Variants in CACNA2D3 observed in about 807,000 individuals in gnomAD.
The protein encoded by CACNA2D3 is voltage-dependent calcium channel subunit alpha-2/delta-3.
Under a neutral mutation model 160.6 loss-of-function variants are expected in CACNA2D3, and 60 were observed. That is an observed-to-expected ratio of 0.37 (90% CI 0.30 to 0.46). CACNA2D3 has a LOEUF of 0.46. CACNA2D3 is among the 20% of genes least tolerant of loss of function. CACNA2D3 has a pLI of 1.00. For missense variants in CACNA2D3, 1,205 were observed against 1,365.0 expected, an observed-to-expected ratio of 0.88 and a Z score of 1.85; for synonymous variants, 558 against 492.9, an observed-to-expected ratio of 1.13 and a Z score of -1.75.
Position 54,634,023 on chromosome 3 carries a change from A to G in CACNA2D3, c.1053+6147A>G, listed in dbSNP as rs563326586. Reference sequence around the variant, plus strand: ...ATTCCATTCATCCATTTATCTATCTATGCATCTATCCAGTTATGTATGGTC... The same window carrying G: ...ATTCCATTCATCCATTTATCTATCTGTGCATCTATCCAGTTATGTATGGTC... On this transcript the variant is annotated intron_variant, in intron 10 of 37. Coordinates refer to ENST00000474759, the MANE Select transcript of CACNA2D3 (RefSeq NM_018398.3). 6.6e-5 allele frequency among the ~76,000 whole-genome samples: 10 copies of G among 152,244 alleles called. 1 individual carries two copies. The South Asian group carries it at 1.0e-3, about 16-fold the overall frequency.
intron 4 of CACNA2D3, among the ~76,000 whole-genome samples, chr3:54,478,639 T>A (rs529699420): frequency 7.9e-4 from 98 of 124,022 alleles, no homozygotes; most frequent in African/African-American, 2.7e-3. Context: ...CTCAAAAAAA[T>A]ATATATATAA....
Position 55,007,835 on chromosome 3 carries a change from C to A in CACNA2D3, c.2812C>A (p.Leu938Ile). 1.3e-6 allele frequency: 2 copies of A among 1,547,344 alleles called. No homozygotes were observed. Among genetic ancestry groups the A allele is most frequent in the Non-Finnish European group, 8.7e-7 (1 of 1,150,602 alleles). ...TGCAGTAAAATGGATCATGACAGAA[C>A]TTGTCTTGTAAGTAAAATCTGCTGC... Reference protein sequence around the residue: ...LSAVKWIMTELVLFLVEFNLC... With the variant: ...LSAVKWIMTEIVLFLVEFNLC... The change falls in exon 33 of 38, where the codon CTT (leucine) becomes ATT (isoleucine). Residue 938 changes from leucine (L) to isoleucine (I), a missense_variant. By Grantham distance (5) the Leu-to-Ile change is conservative. Transcript: ENST00000474759.
intron 2 of CACNA2D3, among the ~76,000 whole-genome samples, chr3:54,125,461 T>C (rs987147475): frequency 1.3e-5 from 2 of 152,180 alleles, no homozygotes; most frequent in African/African-American, 4.8e-5. Context: ...GGCTTTGTTA[T>C]CATTTCTTGC....
intron 9 of CACNA2D3, among the ~76,000 whole-genome samples, chr3:54,602,272 C>T (rs1271292079): frequency 1.3e-5 from 2 of 152,108 alleles, no homozygotes; most frequent in Non-Finnish European, 2.9e-5. Context: ...CCGAGGCAGG[C>T]GGATCACCTG....
chr3:54,807,693 T>C (rs1703169905), intron 13 of CACNA2D3, among the ~76,000 whole-genome samples: 2 of 151,830 alleles, frequency 1.3e-5, no homozygotes, highest in African/African-American at 4.8e-5. Flanking sequence ...GACCCAGCCA[T>C]CCCATTACTG....
intron 4 of CACNA2D3, among the ~76,000 whole-genome samples, chr3:54,460,888 T>C (rs1275721300): frequency 6.6e-6 from 1 of 152,218 alleles, no homozygotes; most frequent in African/African-American, 2.4e-5. Context: ...TTTTTGCCCA[T>C]TCAGTGTGAT....
At chr3:54,330,628 G>A (rs909043997) in intron 3 of CACNA2D3, among the ~76,000 whole-genome samples, 15 of 152,214 alleles carry the variant, frequency 9.9e-5, no homozygotes, top group African/African-American at 3.4e-4. Flanking sequence ...AACCAGCCAT[G>A]AATACATGGG....
rs1041446190 is a variant in CACNA2D3 at position 54,723,481 on chromosome 3, G to A, written c.1168-29118G>A. Among the ~76,000 whole-genome samples the A allele has an allele frequency of 2.0e-5, 3 of 152,294 alleles. 1 individual carries two copies. Among genetic ancestry groups the A allele is most frequent in the Non-Finnish European group, 1.5e-5 (1 of 68,022 alleles). ...AGCTAGTTCGGTGTCTGCCCAAATG[G>A]CTACCCAGTTTTGTGCTTGAAACCC... On this transcript the variant is annotated intron_variant, in intron 11 of 37. Coordinates refer to ENST00000474759, the MANE Select transcript of CACNA2D3 (RefSeq NM_018398.3).
At chr3:54,523,935 CT>C (rs1701686326) in intron 5 of CACNA2D3, among the ~76,000 whole-genome samples, 1 of 151,678 alleles carries the variant, frequency 6.6e-6, no homozygotes, top group Non-Finnish European at 1.5e-5. Context: ...TTTTTATCTT[CT>C]TAATGAATCA....
intron 13 of CACNA2D3, among the ~76,000 whole-genome samples, chr3:54,805,046 A>G (rs1219168446): frequency 6.6e-6 from 1 of 152,274 alleles, no homozygotes; most frequent in Non-Finnish European, 1.5e-5. Flanking sequence ...GGACACATTC[A>G]AAGCAGTGTA....
intron 5 of CACNA2D3, among the ~76,000 whole-genome samples, chr3:54,528,062 C>T (rs1701752132): frequency 6.6e-6 from 1 of 152,064 alleles, no homozygotes; most frequent in Non-Finnish European, 1.5e-5. Context: ...TCTCAAGAAG[C>T]TTCTTAAACA....
chr3:54,855,869 C>T (rs1000031120), intron 17 of CACNA2D3, among the ~76,000 whole-genome samples: 3 of 152,126 alleles, frequency 2.0e-5, no homozygotes, highest in African/African-American at 7.2e-5. Context: ...TGGCTCTGAC[C>T]CCTGCTCTCA....
intron 4 of CACNA2D3, among the ~76,000 whole-genome samples, chr3:54,460,218 G>C (rs1362991021): frequency 3.3e-5 from 5 of 151,980 alleles, no homozygotes; most frequent in African/African-American, 9.7e-5. Flanking sequence ...GATGCCTCCA[G>C]CTTTGTTCTT....
chr3:54,668,042 C>G (rs566427394), intron 11 of CACNA2D3, among the ~76,000 whole-genome samples: 10 of 151,836 alleles, frequency 6.6e-5, no homozygotes, highest in Admixed American at 1.3e-4. Context: ...TTTTCTTATT[C>G]CGAAATTCAG....
chr3:55,011,429 G>A (rs1251541324), intron 34 of CACNA2D3, among the ~76,000 whole-genome samples: 1 of 152,200 alleles, frequency 6.6e-6, no homozygotes, highest in East Asian at 1.9e-4. Context: ...ATGATAGGAT[G>A]ATCATCACCA....
intron 2 of CACNA2D3, among the ~76,000 whole-genome samples, chr3:54,151,256 T>C (rs1302709392): frequency 2.0e-5 from 3 of 151,368 alleles, no homozygotes; most frequent in African/African-American, 7.3e-5. Context: ...GATAGGTGAA[T>C]GGACCGGTGG....
chr3:54,607,304 A>G (rs1046259974), intron 9 of CACNA2D3, among the ~76,000 whole-genome samples: 2 of 151,922 alleles, frequency 1.3e-5, no homozygotes, highest in African/African-American at 4.8e-5. Context: ...ATGGCTCCCC[A>G]TGCAGCTGGT....
intron 11 of CACNA2D3, among the ~76,000 whole-genome samples, chr3:54,742,791 C>T (rs1020687912): frequency 2.6e-5 from 4 of 152,188 alleles, no homozygotes; most frequent in African/African-American, 7.2e-5. Flanking sequence ...AGGCAGGCAC[C>T]TAAGAAGAAA....
chr3:55,012,892 C>T (rs1167419825), intron 34 of CACNA2D3, among the ~76,000 whole-genome samples: 1 of 152,140 alleles, frequency 6.6e-6, no homozygotes, highest in Non-Finnish European at 1.5e-5. Context: ...CTTGTGAAGG[C>T]TCCCATTCTG....
Sources: allele counts gnomAD v4.1 joint callset (sites outside exome capture counted in the v4.1 genomes callset), GRCh38; gene constraint gnomAD v4.1.1; transcripts MANE v1.5; gene names NCBI Gene and HGNC (gene_info 2026-07-23, HGNC 2026-07-21).